RSBN1L: variants seen among roughly 807,000 people sequenced by gnomAD.
The protein encoded by RSBN1L is round spermatid basic protein 1 like, also known as lysine-specific demethylase RSBN1L.
A neutral mutation model predicts 67.7 loss-of-function variants in RSBN1L; 30 were observed. The observed-to-expected ratio is 0.44, with a 90% CI of 0.33 to 0.60. The LOEUF (loss-of-function observed/expected upper bound fraction) is 0.60. RSBN1L is among the 20% of genes least tolerant of loss of function. RSBN1L has a pLI of 0.02. For missense variants in RSBN1L, 992 were observed against 1,031.7 expected (o/e 0.96, Z 0.53); for synonymous variants, 433 against 387.0 (o/e 1.12, Z -1.39).
At chr7:77,718,217 C>T (rs975529877) in intron 1 of RSBN1L, among the ~76,000 whole-genome samples, 8 of 152,098 alleles carry the variant, frequency 5.3e-5, no homozygotes, top group African/African-American at 1.9e-4. Flanking sequence ...AATTTCAAGG[C>T]GTTTGATTGT....
chr7:77,752,615 G>A (rs1273195896), intron 3 of RSBN1L, among the ~76,000 whole-genome samples: 2 of 152,154 alleles, frequency 1.3e-5, no homozygotes, highest in African/African-American at 4.8e-5. Flanking sequence ...ACATTGAAGT[G>A]TCCCTCCAGG....
intron 1 of RSBN1L, among the ~76,000 whole-genome samples, chr7:77,711,488 C>G (rs1790973976): frequency 1.3e-5 from 2 of 151,914 alleles, no homozygotes; most frequent in South Asian, 4.2e-4. Flanking sequence ...TACAGGTGAG[C>G]ACCACTACAC....
chr7:77,713,396 G>A lies in RSBN1L; in HGVS notation c.586+16341G>A, dbSNP rs1182681282. Among the ~76,000 whole-genome samples the A allele has an allele frequency of 3.4e-5, 5 of 146,900 alleles. No homozygotes were observed. In the East Asian group the frequency reaches 8.0e-4, roughly 23 times the overall value. On this transcript the variant is annotated intron_variant, in intron 1 of 7. Coordinates refer to ENST00000334955, the MANE Select transcript of RSBN1L (RefSeq NM_198467.3). ...CTTTGAGACAGAGTCTCACTCTGTC[G>A]CCCAGGCTGGAGTGCAGTGGTGTGA...
At chr7:77,745,257 C>A (rs1238136969) in intron 2 of RSBN1L, among the ~76,000 whole-genome samples, 5 of 145,348 alleles carry the variant, frequency 3.4e-5, no homozygotes, top group Non-Finnish European at 3.0e-5. Context: ...AGCAAAACTC[C>A]GTCTCAAAAA....
intron 1 of RSBN1L, among the ~76,000 whole-genome samples, chr7:77,719,144 A>C (rs973947454): frequency 2.0e-5 from 3 of 152,226 alleles, no homozygotes; most frequent in African/African-American, 7.2e-5. Context: ...CTCACTGCAC[A>C]TACATTAGGG....
chr7:77,725,084 T>C (rs1791178832), intron 1 of RSBN1L, among the ~76,000 whole-genome samples: 1 of 151,072 alleles, frequency 6.6e-6, no homozygotes. Flanking sequence ...CCTCCGGTGA[T>C]CCACCCGCCT....
rs761084000 is a variant in RSBN1L at position 77,749,800 on chromosome 7, G to A, written c.1080G>A (p.Ser360=). 7 of 1,614,004 alleles carry A rather than the reference G, an allele frequency of 4.3e-6. No homozygotes were observed. The highest frequency in any genetic ancestry group is 4.5e-5 in the East Asian group (2 of 44,880). ...AGCACCAGCCTAATGGAGGTGCATC[G>A]GTTATCCATGCCTACAGTAACGAAC... The part of the protein sequence containing the change: ...HIEHQPNGGA[S]VIHAYSNELS... The change falls in exon 3 of 8, where the codon TCG becomes TCA. Residue 360 remains serine, a synonymous_variant. Coordinates refer to ENST00000334955, the MANE Select transcript of RSBN1L (RefSeq NM_198467.3).
At chr7:77,777,818 A>G (rs777016814) in intron 6 of RSBN1L, among the ~76,000 whole-genome samples, 4 of 152,088 alleles carry the variant, frequency 2.6e-5, no homozygotes, top group Non-Finnish European at 5.9e-5. Flanking sequence ...ATTTAAAGGC[A>G]TGAGTAACCT....
At chr7:77,742,768 C>T (rs751283518) in intron 2 of RSBN1L, among the ~76,000 whole-genome samples, 3 of 152,088 alleles carry the variant, frequency 2.0e-5, no homozygotes, top group Non-Finnish European at 2.9e-5. Flanking sequence ...ACCCAGGAGG[C>T]GGCGGAAGTT....
intron 1 of RSBN1L, among the ~76,000 whole-genome samples, chr7:77,717,390 G>C (rs993357318): frequency 6.6e-6 from 1 of 151,952 alleles, no homozygotes; most frequent in Non-Finnish European, 1.5e-5. Flanking sequence ...AAAAGACTTT[G>C]GTTTTTCTAC....
chr7:77,739,830 A>G (rs1484139351), intron 2 of RSBN1L, among the ~76,000 whole-genome samples: 1 of 123,430 alleles, frequency 8.1e-6, no homozygotes, highest in African/African-American at 3.2e-5. Context: ...GCTCACTGCA[A>G]ACTCTGCCTC....
In RSBN1L at chr7:77,775,850, G is replaced by C. The variant is rs546969914; in HGVS notation, c.1794-2488G>C. 9.2e-5 allele frequency among the ~76,000 whole-genome samples: 14 copies of C among 152,266 alleles called. No individual in the cohort carries two copies. The East Asian group carries it at 2.1e-3, about 23-fold the overall frequency. On this transcript the variant is annotated intron_variant, in intron 6 of 7. Transcript: ENST00000334955. ...GCGGGCGGATCACCTGAGGTCAGGAGTTCCAGACCAGCCTGGGCAACATGG... is the reference window on the plus strand; with the variant it reads ...GCGGGCGGATCACCTGAGGTCAGGACTTCCAGACCAGCCTGGGCAACATGG...
Sources: allele counts gnomAD v4.1 joint callset (sites outside exome capture counted in the v4.1 genomes callset), GRCh38; gene constraint gnomAD v4.1.1; transcripts MANE v1.5; gene names NCBI Gene and HGNC (gene_info 2026-07-23, HGNC 2026-07-21).